The following KTN1 variants were observed in gnomAD, a reference collection of about 807,000 sequenced individuals.
KTN1 encodes kinectin 1.
A neutral mutation model predicts 222.5 loss-of-function variants in KTN1; 130 were observed. The observed-to-expected ratio is 0.58, with a 90% CI of 0.51 to 0.68. KTN1 has a LOEUF of 0.68. Among genes scored for constraint, KTN1 ranks in the 30% least tolerant of loss-of-function variants. The pLI, the probability that KTN1 is intolerant of heterozygous loss-of-function variation, is 0.00. For synonymous variants in KTN1, 512 were observed against 496.3 expected (o/e 1.03, Z -0.42); for missense variants, 1,508 against 1,500.4 (o/e 1.01, Z -0.08).
chr14:55,627,877 C>A, intron 5 of KTN1, 35 bp from the exon 6 acceptor site: 2 of 1,197,006 alleles, frequency 1.7e-6, no homozygotes, highest in East Asian at 4.7e-5. Context: ...CCCATGGTAA[C>A]TATTACTAAT....
chr14:55,681,092 A>G (rs1315403650), intron 43 of KTN1: 1 of 192,490 alleles, frequency 5.2e-6, no homozygotes, highest in East Asian at 1.3e-4. Context: ...TCTTAAGAAA[A>G]TACTCTCTAT....
chr14:55,605,629 G>A (rs1192511360), intron 1 of KTN1, among the ~76,000 whole-genome samples: 3 of 152,132 alleles, frequency 2.0e-5, no homozygotes, highest in African/African-American at 7.2e-5. Context: ...AAATTTTTAA[G>A]TAAGACTCTG....
intron 1 of KTN1, among the ~76,000 whole-genome samples, chr14:55,607,826 A>G (rs1451512206): frequency 1.3e-5 from 2 of 152,178 alleles, no homozygotes; most frequent in African/African-American, 2.4e-5. Context: ...TGATGCTGCA[A>G]TGCGCTATCA....
chr14:55,630,022 A>G lies in KTN1; in HGVS notation c.1146A>G (p.Thr382=). ...CAAGGATGAAAGATCGAATTGGAAC[A>G]TTAGAAAAGGAACATAATGTATTTC... ...VITRMKDRIG[T]LEKEHNVFQN... Residue 382 remains threonine, a synonymous_variant, in exon 7 of 44, where the codon ACA becomes ACG. Coordinates refer to ENST00000395314, the MANE Select transcript of KTN1 (RefSeq NM_001079521.2). The G allele has an allele frequency of 6.2e-7, 1 of 1,602,152 alleles. No homozygotes were observed. Among genetic ancestry groups the G allele is most frequent in the Non-Finnish European group, 8.6e-7 (1 of 1,169,086 alleles).
At chr14:55,582,158 T>A (rs1398450758) in intron 1 of KTN1, among the ~76,000 whole-genome samples, 1 of 152,194 alleles carries the variant, frequency 6.6e-6, no homozygotes, top group African/African-American at 2.4e-5. Flanking sequence ...TTATAAAGAA[T>A]ATCAAGTATT....
Position 55,672,843 on chromosome 14 carries a change from T to A in KTN1, c.3604-86T>A, listed in dbSNP as rs183893565. ...TGTTTGAGTTGATATAGTTTTATAT[T>A]CATAAGTGTCATAATTTTGTCTTGT... On this transcript the variant is annotated intron_variant, in intron 38 of 43. Transcript: ENST00000395314. 7.9e-6 allele frequency: 9 copies of A among 1,139,754 alleles called. No individual in the cohort carries two copies. The East Asian group carries it at 2.2e-4, about 28-fold the overall frequency. The allele number at this position is 1,139,754 out of a possible 1,614,324, so 70.6% of individuals were successfully genotyped here.
intron 6 of KTN1, among the ~76,000 whole-genome samples, chr14:55,629,232 G>A (rs1594945331): frequency 6.6e-6 from 1 of 151,702 alleles, no homozygotes. Context: ...TTGGCTAACA[G>A]GGTGAAACCC....
At chr14:55,678,523 A>C in intron 42 of KTN1, 79 bp downstream of exon 42, 1 of 824,298 alleles carries the variant, frequency 1.2e-6, no homozygotes, top group South Asian at 1.4e-5. Flanking sequence ...TATAAGGTCC[A>C]TCTCCGAAAG....
At chr14:55,634,126 T>G (rs1036655707) in intron 8 of KTN1, among the ~76,000 whole-genome samples, 1 of 151,772 alleles carries the variant, frequency 6.6e-6, no homozygotes, top group African/African-American at 2.4e-5. Context: ...AGAGTCACAC[T>G]CCGTCTCAAA....
intron 1 of KTN1, among the ~76,000 whole-genome samples, chr14:55,587,636 T>C (rs10147380): frequency 0.084 from 12,844 of 152,244 alleles, 590 homozygotes; most frequent in South Asian, 0.12. Context: ...GTCATGTTCA[T>C]TTGAAATGTT....
intron 43 of KTN1, chr14:55,680,866 A>C (rs2046306311): frequency 2.3e-6 from 1 of 438,230 alleles, no homozygotes; most frequent in Non-Finnish European, 4.2e-6. Context: ...CCAGTTTCCC[A>C]ATGTAAAAAT....
In KTN1 at chr14:55,658,415, T is replaced by TA. The variant is rs1449735860; in HGVS notation, c.2893-130dup. The TA allele has an allele frequency of 1.2e-5, 8 of 649,492 alleles. No individual in the cohort carries two copies. The Admixed American group carries it at 2.1e-4, about 17-fold the overall frequency. The allele number at this position is 649,492 out of a possible 1,614,324, so 40.2% of individuals were successfully genotyped here. ...TCATCATATGTTTTAATAAAGAGCT[T>TA]ATTACACCCTTTAAAATTATTGCTA... is the stretch of plus-strand genomic sequence containing the variant. On this transcript the variant is annotated intron_variant, in intron 29 of 43. Transcript: ENST00000395314.
In KTN1 at chr14:55,617,888, A is replaced by G. The variant is rs558593029; in HGVS notation, c.662-76A>G. The G allele has an allele frequency of 8.3e-6, 9 of 1,082,652 alleles. No individual in the cohort carries two copies. In the African/African-American group the frequency reaches 1.3e-4, roughly 15 times the overall value. The allele number at this position is 1,082,652 out of a possible 1,614,324, so 67.1% of individuals were successfully genotyped here. Reference sequence around the variant, plus strand: ...ATGTTTCAAAAGAACTGCATTTATCATTAAATTATGCTTGCATGTCATTTA... The same window carrying G: ...ATGTTTCAAAAGAACTGCATTTATCGTTAAATTATGCTTGCATGTCATTTA... On this transcript the variant is annotated intron_variant, in intron 3 of 43. Transcript: ENST00000395314.
rs1566788057 is a variant in KTN1, at chr14:55,646,460, T to TTTTCCCTTTCCTTTCCTTTCCTTTCC, written c.2173-508_2173-507insCTTTCCTTTCCTTTCCTTTCCTTTCC. ...CCTTTCCTTTTCCTTTTCCTTTTCC[T>TTTTCCCTTTCCTTTCCTTTCCTTTCC]TTTCCTTTCCTTTCCTTTCCTTTCC... On this transcript the variant is annotated intron_variant, in intron 18 of 43. Coordinates refer to ENST00000395314, the MANE Select transcript of KTN1 (RefSeq NM_001079521.2). 3.1e-4 allele frequency among the ~76,000 whole-genome samples: 15 copies of TTTTCCCTTTCCTTTCCTTTCCTTTCC among 48,984 alleles called. 1 individual carries two copies. The South Asian group carries it at 5.5e-3, about 18-fold the overall frequency. The allele number at this position is 48,984 out of a possible 152,430, so 32.1% of individuals were successfully genotyped here. A position where few individuals can be genotyped will look rare whatever the true frequency, so the allele number is the denominator to read the frequency against.
intron 18 of KTN1, among the ~76,000 whole-genome samples, chr14:55,645,209 A>G (rs571794432): frequency 2.2e-4 from 34 of 152,340 alleles, no homozygotes; most frequent in African/African-American, 8.2e-4. Flanking sequence ...GAGACAGTCC[A>G]GGCTGAGGGA....
chr14:55,645,410 T>G (rs1170473133), intron 18 of KTN1, among the ~76,000 whole-genome samples: 1 of 151,912 alleles, frequency 6.6e-6, no homozygotes. Flanking sequence ...CACTAAAGAG[T>G]GTTGCAAGGA....
At chr14:55,676,414 G>A (rs12893162) in intron 41 of KTN1, among the ~76,000 whole-genome samples, 53,645 of 151,792 alleles carry the variant, frequency 0.35, 9,512 homozygotes, top group South Asian at 0.4. Context: ...CAGGTTATTT[G>A]TAATTCTGTT....
chr14:55,651,427 A>G, intron 24 of KTN1: 1 of 451,798 alleles, frequency 2.2e-6, no homozygotes, highest in Non-Finnish European at 4.4e-6. Flanking sequence ...GACATCATAG[A>G]GTACTGTTGA....
intron 25 of KTN1, 29 bp from the exon 26 acceptor site, chr14:55,652,821 A>G (rs1346579420): frequency 2.1e-5 from 31 of 1,481,498 alleles, no homozygotes; most frequent in African/African-American, 2.8e-5. Context: ...TAACATTTTC[A>G]TTTAGAGTTC....
Sources: gnomAD v4.1 joint callset for allele counts (sites outside exome capture counted in the v4.1 genomes callset) on GRCh38, gnomAD v4.1.1 for gene constraint, MANE v1.5 for transcripts, NCBI Gene and HGNC (gene_info 2026-07-23, HGNC 2026-07-21) for gene names.